DLGAP1: variants seen among roughly 807,000 people sequenced by gnomAD.
DLGAP1 encodes the protein DLG associated protein 1, also known as disks large-associated protein 1.
A neutral mutation model predicts 90.8 loss-of-function variants in DLGAP1; 11 were observed. The observed-to-expected ratio is 0.12, with a 90% CI of 0.08 to 0.20. The LOEUF is 0.20. Ranked by LOEUF, DLGAP1 falls within the 10% of genes least tolerant of loss-of-function variation. The probability of loss-of-function intolerance (pLI) is 1.00; values close to 1 mark genes in which losing one functional copy is unlikely to be tolerated. For missense variants in DLGAP1, 1,050 were observed against 1,333.8 expected (o/e 0.79, Z 3.31); for synonymous variants, 558 against 540.7 (o/e 1.03, Z -0.44).
intron 3 of DLGAP1, among the ~76,000 whole-genome samples, chr18:3,961,799 A>C (rs1307118721): frequency 1.3e-5 from 2 of 152,200 alleles, no homozygotes; most frequent in East Asian, 3.9e-4. Context: ...AAGGGGAAGC[A>C]TGGGCTTGGG....
chr18:4,019,477 G>T (rs2074574761), intron 2 of DLGAP1, among the ~76,000 whole-genome samples: 1 of 151,912 alleles, frequency 6.6e-6, no homozygotes, highest in Non-Finnish European at 1.5e-5. Flanking sequence ...AAAATGAAAA[G>T]TCCTTTTCGT....
At chr18:3,982,401 C>T (rs970300455) in intron 3 of DLGAP1, among the ~76,000 whole-genome samples, 8 of 152,034 alleles carry the variant, frequency 5.3e-5, no homozygotes, top group Non-Finnish European at 1.5e-5. Flanking sequence ...CTCCATGACA[C>T]GGAAGTGACA....
chr18:3,849,437 A>AC (rs2069209389), intron 4 of DLGAP1, among the ~76,000 whole-genome samples: 1 of 152,146 alleles, frequency 6.6e-6, no homozygotes, highest in African/African-American at 2.4e-5. Flanking sequence ...GGCAGGAAAT[A>AC]AACACTTTGA....
intron 3 of DLGAP1, among the ~76,000 whole-genome samples, chr18:3,898,333 G>C (rs952684173): frequency 2.6e-5 from 4 of 152,118 alleles, no homozygotes; most frequent in Non-Finnish European, 5.9e-5. Flanking sequence ...TGTCTCTGTG[G>C]TAAACCCTGT....
intron 1 of DLGAP1, among the ~76,000 whole-genome samples, chr18:4,319,039 G>A (rs1432304256): frequency 1.3e-5 from 2 of 152,022 alleles, no homozygotes; most frequent in African/African-American, 2.4e-5. Flanking sequence ...GTGAGGTAAC[G>A]GATATTTTAA....
chr18:4,238,908 G>A (rs971919817), intron 1 of DLGAP1, among the ~76,000 whole-genome samples: 1 of 152,174 alleles, frequency 6.6e-6, no homozygotes, highest in Admixed American at 6.5e-5. Context: ...GAATTATAAT[G>A]TCTGAAGAAG....
rs71160943 is a variant in DLGAP1 at position 4,088,429 on chromosome 18, T to TCGTGTG, written c.-159+62750_-159+62751insCACACG. ...TTATTTACCCTCACATAATTTTCCT[T>TCGTGTG]TGTGTGTGTGTGTGTGTGTGTGTGT... is the stretch of plus-strand genomic sequence containing the variant. On this transcript the variant is annotated intron_variant, in intron 2 of 12. Transcript: ENST00000315677. 6.0e-3 allele frequency among the ~76,000 whole-genome samples: 888 copies of TCGTGTG among 148,448 alleles called. 3 individuals carry two copies. Among genetic ancestry groups the TCGTGTG allele is most frequent in the African/African-American group, 7.7e-3 (298 of 38,808 alleles).
intron 3 of DLGAP1, among the ~76,000 whole-genome samples, chr18:3,970,192 C>T (rs2073416307): frequency 1.3e-5 from 2 of 152,164 alleles, no homozygotes; most frequent in Admixed American, 1.3e-4. Context: ...TCTCTTCTTT[C>T]ATATAAAAAT....
At chr18:3,538,286 A>G (rs2052492266) in intron 9 of DLGAP1, among the ~76,000 whole-genome samples, 2 of 152,096 alleles carry the variant, frequency 1.3e-5, no homozygotes, top group Non-Finnish European at 2.9e-5. Flanking sequence ...AACTAGCCAA[A>G]GTTGACCCAT....
intron 2 of DLGAP1, among the ~76,000 whole-genome samples, chr18:4,011,412 A>C (rs1216590074): frequency 6.6e-6 from 1 of 152,078 alleles, no homozygotes; most frequent in Non-Finnish European, 1.5e-5. Flanking sequence ...TGTCAAGGGG[A>C]TGTGCATATT....
intron 1 of DLGAP1, among the ~76,000 whole-genome samples, chr18:4,163,611 T>C (rs1400382853): frequency 6.6e-6 from 1 of 152,216 alleles, no homozygotes; most frequent in Non-Finnish European, 1.5e-5. Context: ...ATAAAATGTC[T>C]GCTAAAATAG....
chr18:3,827,590 T>C (rs751050332), intron 4 of DLGAP1, among the ~76,000 whole-genome samples: 1 of 152,202 alleles, frequency 6.6e-6, no homozygotes, highest in Non-Finnish European at 1.5e-5. Flanking sequence ...TTTGTTTTCT[T>C]CTTTTTCTCT....
At chr18:3,545,599 A>G (rs1022126999) in intron 9 of DLGAP1, among the ~76,000 whole-genome samples, 20 of 152,058 alleles carry the variant, frequency 1.3e-4, no homozygotes, top group Admixed American at 3.9e-4. Flanking sequence ...GCTTATACCT[A>G]TAATCTCAGC....
chr18:4,198,067 C>T (rs1836759463), intron 1 of DLGAP1, among the ~76,000 whole-genome samples: 1 of 151,708 alleles, frequency 6.6e-6, no homozygotes. Context: ...TAAAAAAATA[C>T]AAAAAATCAG....
chr18:3,802,308 C>T (rs1430247895), intron 5 of DLGAP1, among the ~76,000 whole-genome samples: 1 of 152,230 alleles, frequency 6.6e-6, no homozygotes, highest in African/African-American at 2.4e-5. Context: ...TAAAACAACA[C>T]TTACATCACT....
intron 2 of DLGAP1, among the ~76,000 whole-genome samples, chr18:4,049,226 CAAAAA>C (rs71368721): frequency 7.5e-6 from 1 of 134,188 alleles, no homozygotes. Flanking sequence ...GACTCTGTCT[CAAAAA>C]AAAAAAAAAA....
chr18:4,369,697 G>A (rs2081869997), intron 1 of DLGAP1, among the ~76,000 whole-genome samples: 1 of 151,556 alleles, frequency 6.6e-6, no homozygotes, highest in South Asian at 2.1e-4. Flanking sequence ...TGCCCAGAGT[G>A]AAAGGGAATG....
chr18:3,814,076 T>C lies in DLGAP1; in HGVS notation c.1155A>G (p.Thr385=). The C allele has an allele frequency of 6.2e-7, 1 of 1,614,116 alleles. No homozygotes were observed. Among genetic ancestry groups the C allele is most frequent in the Non-Finnish European group, 8.5e-7 (1 of 1,180,000 alleles). The change falls in exon 5 of 13, where the codon ACA becomes ACG. Residue 385 remains threonine (T), a synonymous_variant. Coordinates refer to ENST00000315677, the MANE Select transcript of DLGAP1 (RefSeq NM_004746.4). ...SYLKATQPSL[T]ELTTLKISNE... is the part of the protein sequence containing the mutation. The stretch of plus-strand genomic sequence containing the variant: ...CTACTCACTTGAGTGTGGTGAGTTC[T>C]GTAAGGGATGGCTGAGTAGCCTTGA...
intron 7 of DLGAP1, among the ~76,000 whole-genome samples, chr18:3,586,953 T>G (rs1439080151): frequency 6.6e-6 from 1 of 152,260 alleles, no homozygotes; most frequent in East Asian, 1.9e-4. Flanking sequence ...CACCAGCCAA[T>G]ATGTTTGTCT....
Sources: allele counts gnomAD v4.1 joint callset (sites outside exome capture counted in the v4.1 genomes callset), GRCh38; gene constraint gnomAD v4.1.1; transcripts MANE v1.5; gene names NCBI Gene and HGNC (gene_info 2026-07-23, HGNC 2026-07-21).